PAFAH1B2: variants seen among roughly 807,000 people sequenced by gnomAD.
PAFAH1B2 encodes the protein platelet activating factor acetylhydrolase 1b catalytic subunit 2.
In PAFAH1B2, 8 loss-of-function variants were observed where a neutral mutation model predicts 28.0. That is an observed-to-expected ratio of 0.29 (90% CI 0.17 to 0.52). PAFAH1B2 has a LOEUF of 0.52. Ranked by LOEUF, PAFAH1B2 falls within the 20% of genes least tolerant of loss-of-function variation. The probability of loss-of-function intolerance (pLI) is 0.97; values close to 1 mark genes in which losing one functional copy is unlikely to be tolerated. For synonymous variants in PAFAH1B2, 104 were observed against 103.2 expected (o/e 1.01, Z -0.05); for missense variants, 190 against 282.6 (o/e 0.67, Z 2.35).
rs776480195 is a variant in PAFAH1B2, at chr11:117,144,316, A to T, written c.-110A>T. On this transcript the variant is annotated 5_prime_UTR_variant, in exon 1 of 6. Coordinates refer to ENST00000527958, the MANE Select transcript of PAFAH1B2 (RefSeq NM_002572.4). Reference sequence around the variant, plus strand: ...GAGCTGCTGCTGGTGCTGGGGCCGGAGGAGGGACGCGCCGGAGCGGGACCG... The same window carrying T: ...GAGCTGCTGCTGGTGCTGGGGCCGGTGGAGGGACGCGCCGGAGCGGGACCG... 2 of 399,926 alleles carry T rather than the reference A, an allele frequency of 5.0e-6. No individual in the cohort carries two copies. Among genetic ancestry groups the T allele is most frequent in the Non-Finnish European group, 1.0e-5 (2 of 194,880 alleles). 24.8% of individuals were successfully genotyped at this position (399,926 alleles called of 1,614,324 possible).
downstream of PAFAH1B2, among the ~76,000 whole-genome samples, chr11:117,177,625 G>A (rs1275491204): frequency 1.3e-5 from 2 of 152,224 alleles, no homozygotes; most frequent in Non-Finnish European, 2.9e-5. Flanking sequence ...ACCTCCGCCT[G>A]GTAGAGTTAA....
At chr11:117,152,652 A>G in intron 2 of PAFAH1B2, 124 bp downstream of exon 2, 1 of 691,614 alleles carries the variant, frequency 1.4e-6, no homozygotes, top group Non-Finnish European at 2.6e-6. Context: ...TGCAGGGCTC[A>G]AGTGATCCTC....
Position 117,168,446 on chromosome 11 carries a change from G to GGTT in PAFAH1B2, c.*747_*748insGTT. The GGTT allele has an allele frequency of 4.3e-6, 1 of 234,818 alleles. No individual in the cohort carries two copies. The highest frequency in any genetic ancestry group is 5.0e-6 in the Non-Finnish European group (1 of 200,708). The allele number at this position is 234,818 out of a possible 1,614,324, so 14.5% of individuals were successfully genotyped here. On this transcript the variant is annotated 3_prime_UTR_variant, in exon 6 of 6. Transcript: ENST00000527958. ...TCCCCTTCATTCCCCCCGCCACCCC[G>GGTT]TTTTTTTTTTTTTTTTTTTTTTTTT... is the stretch of plus-strand genomic sequence containing the variant.
downstream of PAFAH1B2, among the ~76,000 whole-genome samples, chr11:117,178,030 G>A (rs761975120): frequency 2.0e-5 from 3 of 152,130 alleles, no homozygotes; most frequent in Non-Finnish European, 2.9e-5. Context: ...ATTTTTATCT[G>A]TGCTTCCTAT....
In PAFAH1B2 at chr11:117,163,754, T is replaced by A. The variant is rs1438424031; in HGVS notation, c.289-16T>A. ...GTATTTATCTTCTCCTTCCCCCCTT[T>A]TTTCTTCAATTGCAGGTCATTGTTG... is the stretch of plus-strand genomic sequence containing the variant. On this transcript the variant is annotated splice_polypyrimidine_tract_variant and intron_variant, in intron 4 of 5. Coordinates refer to ENST00000527958, the MANE Select transcript of PAFAH1B2 (RefSeq NM_002572.4). 1 of 1,612,966 alleles carries A rather than the reference T, an allele frequency of 6.2e-7. No individual in the cohort carries two copies. Among genetic ancestry groups the A allele is most frequent in the South Asian group, 1.1e-5 (1 of 90,816 alleles).
chr11:117,169,803 GA>G lies in PAFAH1B2; in HGVS notation c.*2107del. 9.5e-7 allele frequency: 1 copy of G among 1,055,872 alleles called. No homozygotes were observed. Among genetic ancestry groups the G allele is most frequent in the Non-Finnish European group, 1.1e-6 (1 of 873,494 alleles). 65.4% of individuals were successfully genotyped at this position (1,055,872 alleles called of 1,614,324 possible). Reference sequence around the variant, plus strand: ...GAATTAAGCCAGATTTTTGTGTGTGGAAAGACAGTTTTCTATCCACGTCTTT... The same window carrying G: ...GAATTAAGCCAGATTTTTGTGTGTGGAAGACAGTTTTCTATCCACGTCTTT... On this transcript the variant is annotated 3_prime_UTR_variant, in exon 6 of 6. Transcript: ENST00000527958.
chr11:117,164,485 A>G (rs1956454373), intron 5 of PAFAH1B2, among the ~76,000 whole-genome samples: 1 of 151,882 alleles, frequency 6.6e-6, no homozygotes, highest in African/African-American at 2.4e-5. Context: ...ACAATGGCAC[A>G]TGAGATTTGT....
intron 2 of PAFAH1B2, among the ~76,000 whole-genome samples, chr11:117,159,143 T>C (rs922173300): frequency 1.3e-5 from 2 of 152,248 alleles, no homozygotes; most frequent in Admixed American, 1.3e-4. Context: ...GTCAACTTTC[T>C]GTGTATCTAC....
At chr11:117,174,022 TAA>T (rs1956727070), downstream of PAFAH1B2, among the ~76,000 whole-genome samples, 1 of 151,948 alleles carries the variant, frequency 6.6e-6, no homozygotes, top group Non-Finnish European at 1.5e-5. Flanking sequence ...TACATGATAC[TAA>T]AATCTGTTTT....
At chr11:117,159,736 G>GA (rs369169854) in intron 2 of PAFAH1B2, 198 bp from the exon 3 acceptor site, 57,678 of 397,388 alleles carry the variant, frequency 0.15, 1 homozygote, top group Middle Eastern at 0.18. Flanking sequence ...CGCTGTCTTA[G>GA]AAAAAAAAAA....
Position 117,168,501 on chromosome 11 carries a change from A to G in PAFAH1B2, c.*802A>G. On this transcript the variant is annotated 3_prime_UTR_variant, in exon 6 of 6. Coordinates refer to ENST00000527958, the MANE Select transcript of PAFAH1B2 (RefSeq NM_002572.4). ...CTTGTTGACATTACAAGCTTTTAAC[A>G]CATTTTTGACCTAGGAGCCCTGTTG... 5 of 950,740 alleles carry G rather than the reference A, an allele frequency of 5.3e-6. No individual in the cohort carries two copies. Among genetic ancestry groups the G allele is most frequent in the Middle Eastern group, 5.3e-4 (1 of 1,872 alleles). The allele number at this position is 950,740 out of a possible 1,614,324, so 58.9% of individuals were successfully genotyped here.
At chr11:117,153,021 G>T (rs975179074) in intron 2 of PAFAH1B2, among the ~76,000 whole-genome samples, 1 of 152,132 alleles carries the variant, frequency 6.6e-6, no homozygotes, top group African/African-American at 2.4e-5. Context: ...AGCCGAGATT[G>T]TGCCACTGCA....
intron 5 of PAFAH1B2, among the ~76,000 whole-genome samples, chr11:117,164,399 T>TC (rs1169002738): frequency 5.9e-5 from 5 of 84,976 alleles, no homozygotes; most frequent in Admixed American, 1.2e-4. Context: ...AGAGCGAGAC[T>TC]CCGTCTCAAA....
intron 1 of PAFAH1B2, among the ~76,000 whole-genome samples, chr11:117,147,407 A>G (rs1480774817): frequency 1.3e-5 from 2 of 152,308 alleles, no homozygotes; most frequent in Admixed American, 6.5e-5. Flanking sequence ...CATGTTACCC[A>G]GGCTGGTCTC....
chr11:117,171,038 T>C lies in PAFAH1B2; in HGVS notation c.*3339T>C. 1 of 1,030,140 alleles carries C rather than the reference T, an allele frequency of 9.7e-7. No individual in the cohort carries two copies. Among genetic ancestry groups the C allele is most frequent in the Non-Finnish European group, 1.2e-6 (1 of 856,802 alleles). The allele number at this position is 1,030,140 out of a possible 1,614,324, so 63.8% of individuals were successfully genotyped here. ...ATATTTCAATATAAATGTAAACATTTTGCTCAATTTGCTGGTGTCTTTCTG... is the reference window on the plus strand; with the variant it reads ...ATATTTCAATATAAATGTAAACATTCTGCTCAATTTGCTGGTGTCTTTCTG... On this transcript the variant is annotated 3_prime_UTR_variant, in exon 6 of 6. Coordinates refer to ENST00000527958, the MANE Select transcript of PAFAH1B2 (RefSeq NM_002572.4).
chr11:117,152,537 A>T lies in PAFAH1B2; in HGVS notation c.81+9A>T. The T allele has an allele frequency of 6.3e-7, 1 of 1,581,138 alleles. No individual in the cohort carries two copies. The highest frequency in any genetic ancestry group is 8.7e-7 in the Non-Finnish European group (1 of 1,149,868). On this transcript the variant is annotated intron_variant, in intron 2 of 5. Transcript: ENST00000527958. ...ACCGATGGATGTCTCAGGTAAAAGG[A>T]AGTGCATGTGTATCATTCACATGAG...
intron 1 of PAFAH1B2, among the ~76,000 whole-genome samples, chr11:117,148,320 C>G (rs1185323286): frequency 6.6e-6 from 1 of 152,050 alleles, no homozygotes; most frequent in Non-Finnish European, 1.5e-5. Context: ...CCCCAAAATG[C>G]TGGGATTACA....
intron 2 of PAFAH1B2, among the ~76,000 whole-genome samples, chr11:117,158,767 C>T (rs1166000950): frequency 1.3e-5 from 2 of 151,574 alleles, no homozygotes; most frequent in African/African-American, 2.4e-5. Context: ...CCCTTAGCCT[C>T]CTGAGTAGCT....
intron 3 of PAFAH1B2, among the ~76,000 whole-genome samples, chr11:117,160,447 A>G (rs1956348743): frequency 1.3e-5 from 2 of 152,152 alleles, no homozygotes; most frequent in Admixed American, 1.3e-4. Context: ...TTTAGGGTTT[A>G]GGCATTCTTC....
Sources: allele counts gnomAD v4.1 joint callset (sites outside exome capture counted in the v4.1 genomes callset), GRCh38; gene constraint gnomAD v4.1.1; transcripts MANE v1.5; gene names NCBI Gene and HGNC (gene_info 2026-07-23, HGNC 2026-07-21).